CFAP53: variants seen among roughly 807,000 people sequenced by gnomAD.
The protein encoded by CFAP53 is cilia and flagella associated protein 53.
CFAP53 carries 62 observed loss-of-function variants against 59.7 expected under a neutral mutation model. The observed-to-expected ratio is 1.04, with a 90% CI of 0.85 to 1.28. The LOEUF is 1.28. Ranked by LOEUF, CFAP53 falls within the 50% of genes most tolerant of loss-of-function variation. The probability of loss-of-function intolerance (pLI) is 0.00; values close to 1 mark genes in which losing one functional copy is unlikely to be tolerated. For missense variants in CFAP53, 629 were observed against 615.6 expected, an observed-to-expected ratio of 1.02 and a Z score of -0.23; for synonymous variants, 218 against 205.7, an observed-to-expected ratio of 1.06 and a Z score of -0.51.
chr18:50,233,158 A>G (rs1400646679), intron 7 of CFAP53, among the ~76,000 whole-genome samples: 1 of 152,202 alleles, frequency 6.6e-6, no homozygotes, highest in Non-Finnish European at 1.5e-5. Flanking sequence ...GTGCTGAGAT[A>G]AAACTCATTC....
At chr18:50,257,087 T>C (rs114047970) in intron 3 of CFAP53, among the ~76,000 whole-genome samples, 1 of 151,802 alleles carries the variant, frequency 6.6e-6, no homozygotes, top group Non-Finnish European at 1.5e-5. Flanking sequence ...ACTGTAAAAA[T>C]CCCTTCTGAA....
chr18:50,241,367 T>C (rs2033688421), intron 6 of CFAP53, among the ~76,000 whole-genome samples: 1 of 152,202 alleles, frequency 6.6e-6, no homozygotes, highest in South Asian at 2.1e-4. Context: ...GAAAGAGGAT[T>C]TATTTTAAAT....
At chr18:50,247,595 G>C (rs1378309134) in intron 5 of CFAP53, among the ~76,000 whole-genome samples, 1 of 152,136 alleles carries the variant, frequency 6.6e-6, no homozygotes, top group African/African-American at 2.4e-5. Context: ...AACAAAATGT[G>C]GCATATCCAT....
chr18:50,263,852 G>A (rs181492229), intron 1 of CFAP53, among the ~76,000 whole-genome samples: 20 of 152,294 alleles, frequency 1.3e-4, no homozygotes, highest in African/African-American at 4.6e-4. Flanking sequence ...AAGGGGTCAG[G>A]AAGCCTTTTA....
chr18:50,235,676 T>TA (rs1306859291), intron 7 of CFAP53, among the ~76,000 whole-genome samples: 1 of 152,344 alleles, frequency 6.6e-6, no homozygotes, highest in East Asian at 1.9e-4. Flanking sequence ...ACCAAAATGT[T>TA]ACTGCAGTGA....
At chr18:50,229,740 C>CTTTTTTTT (rs141422966) in intron 7 of CFAP53, among the ~76,000 whole-genome samples, 1 of 135,978 alleles carries the variant, frequency 7.4e-6, no homozygotes, top group Non-Finnish European at 1.6e-5. Context: ...TTTTCTTTTT[C>CTTTTTTTT]TTTTTTTTTT....
intron 3 of CFAP53, among the ~76,000 whole-genome samples, chr18:50,260,131 T>A (rs370939920): frequency 6.6e-6 from 1 of 152,180 alleles, no homozygotes; most frequent in African/African-American, 2.4e-5. Context: ...TCTGTGTAAG[T>A]GCACAGTAGT....
chr18:50,258,437 T>C (rs1010242775), intron 3 of CFAP53, among the ~76,000 whole-genome samples: 2 of 152,184 alleles, frequency 1.3e-5, no homozygotes, highest in Non-Finnish European at 2.9e-5. Flanking sequence ...TCTTTCATCA[T>C]ATGCAAAAAT....
rs527861260 is a variant in CFAP53 at position 50,266,473 on chromosome 18, C to G, written c.-69G>C. The G allele has an allele frequency of 9.8e-4, 1,456 of 1,490,482 alleles. 2 individuals are homozygous for G. The highest frequency in any genetic ancestry group is 1.3e-3 in the Non-Finnish European group (1,379 of 1,067,634). The allele number at this position is 1,490,482 out of a possible 1,614,324, so 92.3% of individuals were successfully genotyped here. ...CCCCAACCGTGGCGACCTGCGGGAC[C>G]CGCTTCCGCGACGCAGAAGTCTGGT... On this transcript the variant is annotated 5_prime_UTR_variant, in exon 1 of 8. Transcript: ENST00000398545.
At position 50,242,902 on chromosome 18, in the gene CFAP53, T is replaced by G; in HGVS notation, c.1211A>C (p.Lys404Thr). The change falls in exon 6 of 8, where the codon AAG becomes ACG. Residue 404 changes from lysine (K) to threonine (T), a missense_variant and splice_region_variant. Transcript: ENST00000398545. ...MCTRKLQVQE[K>T]LQREAKEQEE... ...ATAACTGTAATTCAGTTCCTTACAC[T>G]TTTCTTGAACTTGAAGTTTTCTTGT... 1.2e-6 allele frequency: 2 copies of G among 1,612,072 alleles called. No homozygotes were observed. The highest frequency in any genetic ancestry group is 1.7e-6 in the Non-Finnish European group (2 of 1,179,300).
At position 50,250,233 on chromosome 18, in the gene CFAP53, AAAAAG is replaced by A. The variant is rs1286574717; in HGVS notation, c.996+520_996+524del. ...GACCCCTGTCTCAAAAAAAAAAAAA[AAAAAG>A]AGAGAGAGAGAGAGAAGTTTAATTA... On this transcript the variant is annotated intron_variant, in intron 5 of 7. Transcript: ENST00000398545. 3.6e-3 allele frequency among the ~76,000 whole-genome samples: 518 copies of A among 143,492 alleles called. 1 individual carries two copies. Among genetic ancestry groups the A allele is most frequent in the African/African-American group, 0.012 (484 of 38,748 alleles). 94.1% of individuals were successfully genotyped at this position (143,492 alleles called of 152,430 possible).
At chr18:50,239,023 T>C (rs1371415455) in intron 6 of CFAP53, among the ~76,000 whole-genome samples, 1 of 149,644 alleles carries the variant, frequency 6.7e-6, no homozygotes, top group African/African-American at 2.4e-5. Context: ...GCCATTCATA[T>C]TAATAAAAGT....
intron 7 of CFAP53, among the ~76,000 whole-genome samples, chr18:50,230,466 G>A (rs187073831): frequency 1.7e-4 from 26 of 152,318 alleles, no homozygotes; most frequent in Non-Finnish European, 2.8e-4. Flanking sequence ...CAGAGAGCAC[G>A]GAAGCCCCTA....
At chr18:50,232,503 C>T (rs553830607) in intron 7 of CFAP53, among the ~76,000 whole-genome samples, 83 of 152,254 alleles carry the variant, frequency 5.5e-4, no homozygotes, top group Non-Finnish European at 1.1e-3. Context: ...CAGTGCAAAA[C>T]GCCAGGTTAC....
chr18:50,237,330 ATAT>A (rs1231291492), intron 7 of CFAP53, among the ~76,000 whole-genome samples: 2 of 11,988 alleles, frequency 1.7e-4, no homozygotes, highest in South Asian at 4.4e-3. Flanking sequence ...AAAAAAAAAA[ATAT>A]ATATATATAT....
intron 1 of CFAP53, among the ~76,000 whole-genome samples, chr18:50,264,978 G>A (rs1177334210): frequency 6.6e-6 from 1 of 152,216 alleles, no homozygotes; most frequent in African/African-American, 2.4e-5. Flanking sequence ...TGGACCTAAA[G>A]AAGGAGCAGG....
At chr18:50,236,430 C>A (rs1014565736) in intron 7 of CFAP53, among the ~76,000 whole-genome samples, 3 of 152,210 alleles carry the variant, frequency 2.0e-5, no homozygotes, top group African/African-American at 7.2e-5. Context: ...ATCTCCATCT[C>A]CTTGAATCAG....
chr18:50,228,333 G>A (rs548173873), intron 7 of CFAP53, among the ~76,000 whole-genome samples: 13 of 152,116 alleles, frequency 8.5e-5, no homozygotes, highest in Admixed American at 5.9e-4. Context: ...CCACATCCCC[G>A]CACAAGAGGC....
At chr18:50,230,600 C>T (rs1000602425) in intron 7 of CFAP53, among the ~76,000 whole-genome samples, 2 of 152,124 alleles carry the variant, frequency 1.3e-5, no homozygotes, top group African/African-American at 2.4e-5. Flanking sequence ...AGGAGGAGGT[C>T]GTGGGAACCC....
Sources: allele counts gnomAD v4.1 joint callset (sites outside exome capture counted in the v4.1 genomes callset), GRCh38; gene constraint gnomAD v4.1.1; transcripts MANE v1.5; gene names NCBI Gene and HGNC (gene_info 2026-07-23, HGNC 2026-07-21).